The following CCDC32 variants were observed in gnomAD, a reference collection of about 807,000 sequenced individuals.
CCDC32 encodes the protein coiled-coil domain containing 32, also known as coiled-coil domain-containing protein 32.
In CCDC32, 9 loss-of-function variants were observed where a neutral mutation model predicts 20.1. The observed-to-expected ratio is 0.45, with a 90% CI of 0.27 to 0.78. The LOEUF is 0.78. CCDC32 is among the 30% of genes least tolerant of loss of function. The probability of loss-of-function intolerance (pLI) is 0.16; values close to 1 mark genes in which losing one functional copy is unlikely to be tolerated. For synonymous variants in CCDC32, 63 were observed against 79.0 expected (o/e 0.80, Z 1.07); for missense variants, 204 against 215.5 (o/e 0.95, Z 0.33).
rs140522694 is a variant in CCDC32, at chr15:40,546,104, C to T, written c.402-6749G>A. Among the ~76,000 whole-genome samples, 549 of 152,216 alleles carry T rather than the reference C, an allele frequency of 3.6e-3. 3 individuals are homozygous for T. Among genetic ancestry groups the T allele is most frequent in the Non-Finnish European group, 5.7e-3 (387 of 68,022 alleles). On this transcript the variant is annotated intron_variant, in intron 3 of 3. Coordinates refer to the CCDC32 transcript ENST00000558113. The stretch of plus-strand genomic sequence containing the variant: ...TTCACTGGTTCTTCACCTATGCCTA[C>T]CTACTGAAAAGCCTGTGGAAGCAAT...
chr15:40,553,844 T>C lies in CCDC32; in HGVS notation c.*127A>G. The C allele has an allele frequency of 7.1e-7, 1 of 1,417,702 alleles. No individual in the cohort carries two copies. The highest frequency in any genetic ancestry group is 2.8e-5 in the Admixed American group (1 of 36,160). The allele number at this position is 1,417,702 out of a possible 1,614,324, so 87.8% of individuals were successfully genotyped here. On this transcript the variant is annotated 3_prime_UTR_variant, in exon 4 of 4. Transcript: ENST00000416810. ...TTTGGGTTTTTTCCTTCAGTGGATT[T>C]CTCCCTGCTGCTGTCACTGAGCTCC... is the stretch of plus-strand genomic sequence containing the variant.
At chr15:40,552,294 C>T (rs1336782181), downstream of CCDC32, among the ~76,000 whole-genome samples, 1 of 152,024 alleles carries the variant, frequency 6.6e-6, no homozygotes, top group Admixed American at 6.6e-5. Flanking sequence ...CCAGCCTCAA[C>T]ATGGAGAAAC....
At chr15:40,539,679 A>G (rs1412970707) in intron 3 of CCDC32, among the ~76,000 whole-genome samples, 3 of 152,138 alleles carry the variant, frequency 2.0e-5, no homozygotes, top group African/African-American at 7.2e-5. Context: ...CTCCCATCCC[A>G]GGAAATTTCC....
In CCDC32 at chr15:40,553,287, G is replaced by T. The variant is rs956534555; in HGVS notation, c.*684C>A. The T allele has an allele frequency of 5.1e-6, 5 of 985,336 alleles. No individual in the cohort carries two copies. Among genetic ancestry groups the T allele is most frequent in the Non-Finnish European group, 6.0e-6 (5 of 829,968 alleles). 61.0% of individuals were successfully genotyped at this position (985,336 alleles called of 1,614,324 possible). A position where few individuals can be genotyped will look rare whatever the true frequency, so the allele number is the denominator to read the frequency against. ...ACCTGGCCCTTTTTAAGTGCAGGAGGAAGTTGGAGGAGAAGCCATGCATGA... is the reference window on the plus strand; with the variant it reads ...ACCTGGCCCTTTTTAAGTGCAGGAGTAAGTTGGAGGAGAAGCCATGCATGA... On this transcript the variant is annotated 3_prime_UTR_variant, in exon 4 of 4. Transcript: ENST00000416810.
chr15:40,524,375 C>G (rs1234479156), downstream of CCDC32, among the ~76,000 whole-genome samples: 1 of 151,930 alleles, frequency 6.6e-6, no homozygotes, highest in Non-Finnish European at 1.5e-5. Context: ...CCAGGATGAT[C>G]TCGATCTCCT....
At chr15:40,556,837 C>CA (rs10647113) in intron 3 of CCDC32, 34,372 of 110,998 alleles carry the variant, frequency 0.31, 5,245 homozygotes, top group Middle Eastern at 0.41. Context: ...GATTCCATCT[C>CA]AAAAAAAAAA....
rs1889996563 is a variant in CCDC32, at chr15:40,553,341, A to T, written c.*630T>A. 1.0e-6 allele frequency: 1 copy of T among 985,272 alleles called. No individual in the cohort carries two copies. Among genetic ancestry groups the T allele is most frequent in the Admixed American group, 6.1e-5 (1 of 16,270 alleles). The allele number at this position is 985,272 out of a possible 1,614,324, so 61.0% of individuals were successfully genotyped here. A position where few individuals can be genotyped will look rare whatever the true frequency, so the allele number is the denominator to read the frequency against. On this transcript the variant is annotated 3_prime_UTR_variant, in exon 4 of 4. Coordinates refer to ENST00000416810, the MANE Select transcript of CCDC32 (RefSeq NM_001080792.4). ...AAAAAATACATATACACAGACATAA[A>T]CACCCACATTTTCACACTTCTTTTG...
chr15:40,546,698 G>A (rs1889633267), intron 3 of CCDC32, among the ~76,000 whole-genome samples: 1 of 121,834 alleles, frequency 8.2e-6, no homozygotes, highest in Non-Finnish European at 1.7e-5. Context: ...GTCTTTTTGT[G>A]TGTTTTGCAA....
intron 1 of CCDC32, among the ~76,000 whole-genome samples, chr15:40,563,427 A>G (rs926108086): frequency 2.6e-5 from 4 of 152,168 alleles, no homozygotes; most frequent in Non-Finnish European, 4.4e-5. Flanking sequence ...AAAGGCAGAT[A>G]CTGTGATTCC....
At chr15:40,555,495 G>A (rs1341548967) in intron 3 of CCDC32, among the ~76,000 whole-genome samples, 1 of 152,148 alleles carries the variant, frequency 6.6e-6, no homozygotes, top group Non-Finnish European at 1.5e-5. Flanking sequence ...TTATCAGTGG[G>A]TCAGGAGTCT....
chr15:40,532,658 T>G (rs1254263825), downstream of CCDC32, among the ~76,000 whole-genome samples: 1 of 151,930 alleles, frequency 6.6e-6, no homozygotes, highest in Non-Finnish European at 1.5e-5. Context: ...ATATTCTTTG[T>G]AATTATAATT....
At chr15:40,561,592 G>A (rs1328176801) in intron 2 of CCDC32, among the ~76,000 whole-genome samples, 1 of 152,096 alleles carries the variant, frequency 6.6e-6, no homozygotes, top group East Asian at 1.9e-4. Flanking sequence ...ACTACACATT[G>A]GGTACAATGT....
chr15:40,559,442 C>G (rs951722763), intron 2 of CCDC32, among the ~76,000 whole-genome samples: 2 of 152,148 alleles, frequency 1.3e-5, no homozygotes, highest in African/African-American at 2.4e-5. Context: ...GCCAAGGGAT[C>G]TCGTTCTATA....
At chr15:40,531,900 GTTA>G (rs1013928250), downstream of CCDC32, 17 of 157,606 alleles carry the variant, frequency 1.1e-4, no homozygotes, top group East Asian at 3.6e-4. Flanking sequence ...GAAAAGACAT[GTTA>G]TTATTATTAT....
intron 2 of CCDC32, among the ~76,000 whole-genome samples, chr15:40,560,917 G>A (rs1225425328): frequency 1.3e-5 from 2 of 152,104 alleles, no homozygotes; most frequent in Admixed American, 6.6e-5. Flanking sequence ...ATACCTGCAC[G>A]CATGTTTCAT....
intron 3 of CCDC32, among the ~76,000 whole-genome samples, chr15:40,554,970 T>G (rs1280658288): frequency 6.6e-6 from 1 of 152,330 alleles, no homozygotes; most frequent in South Asian, 2.1e-4. Context: ...TTTTGGATAG[T>G]CGGATTTCTC....
downstream of CCDC32, among the ~76,000 whole-genome samples, chr15:40,550,111 G>A (rs551943830): frequency 6.6e-6 from 1 of 152,322 alleles, no homozygotes; most frequent in African/African-American, 2.4e-5. Context: ...TGTGTGTGCC[G>A]GGAGAGAACA....
At chr15:40,534,991 TG>T, downstream of CCDC32, 2 of 703,350 alleles carry the variant, frequency 2.8e-6, no homozygotes, top group Admixed American at 4.0e-5. Flanking sequence ...TTTAGTGACT[TG>T]ATCTTCCCGA....
intron 3 of CCDC32, among the ~76,000 whole-genome samples, chr15:40,546,603 C>T (rs908596647): frequency 6.6e-6 from 1 of 152,144 alleles, no homozygotes; most frequent in African/African-American, 2.4e-5. Context: ...TTAAGTCCCT[C>T]TGTGATAGTT....
Sources: allele counts gnomAD v4.1 joint callset (sites outside exome capture counted in the v4.1 genomes callset), GRCh38; gene constraint gnomAD v4.1.1; transcripts MANE v1.5; gene names NCBI Gene and HGNC (gene_info 2026-07-23, HGNC 2026-07-21).